RINT1: variants seen among roughly 807,000 people sequenced by gnomAD.
RINT1 encodes the protein RAD50 interactor 1.
A neutral mutation model predicts 97.7 loss-of-function variants in RINT1; 75 were observed. The ratio of observed to expected loss-of-function variants is 0.77; its 90% confidence interval spans 0.64 to 0.93. RINT1 has a LOEUF of 0.93. Ranked by LOEUF, RINT1 falls within the 40% of genes least tolerant of loss-of-function variation. RINT1 has a pLI of 0.00. For missense variants in RINT1, 892 were observed against 925.2 expected (o/e 0.96, Z 0.47); for synonymous variants, 303 against 326.3 (o/e 0.93, Z 0.77).
intron 4 of RINT1, among the ~76,000 whole-genome samples, chr7:105,544,488 G>A (rs1253328559): frequency 6.6e-6 from 1 of 151,324 alleles, no homozygotes; most frequent in Non-Finnish European, 1.5e-5. Context: ...AGGCTGGAGT[G>A]CAGTGGCACA....
Position 105,532,280 on chromosome 7 carries a change from G to A in RINT1, c.-36G>A, listed in dbSNP as rs754180010. On this transcript the variant is annotated 5_prime_UTR_variant, in exon 1 of 15. Transcript: ENST00000257700. Reference sequence around the variant, plus strand: ...TAGCCAGACTCCACAGGCCACGCTGGCTGCGAATGGAGCCGAGGACTCGCG... The same window carrying A: ...TAGCCAGACTCCACAGGCCACGCTGACTGCGAATGGAGCCGAGGACTCGCG... The A allele has an allele frequency of 3.2e-6, 5 of 1,558,388 alleles. No homozygotes were observed. The highest frequency in any genetic ancestry group is 4.3e-6 in the Non-Finnish European group (5 of 1,155,920).
intron 11 of RINT1, among the ~76,000 whole-genome samples, chr7:105,559,295 C>A (rs904908876): frequency 2.0e-5 from 3 of 151,942 alleles, no homozygotes; most frequent in Admixed American, 1.3e-4. Flanking sequence ...AATCCCAGCA[C>A]TTTTGGAGGC....
chr7:105,538,762 A>G (rs899695566), intron 3 of RINT1, among the ~76,000 whole-genome samples: 1 of 152,232 alleles, frequency 6.6e-6, no homozygotes, highest in African/African-American at 2.4e-5. Flanking sequence ...TGAATAGTCT[A>G]TCCCACAATC....
At chr7:105,540,079 CTTT>C (rs769840794) in intron 3 of RINT1, among the ~76,000 whole-genome samples, 3 of 135,926 alleles carry the variant, frequency 2.2e-5, no homozygotes, top group Non-Finnish European at 3.2e-5. Flanking sequence ...ATGCCATTTT[CTTT>C]TTTTTTTTTT....
Position 105,555,184 on chromosome 7 carries a change from T to C in RINT1, c.1628T>C (p.Val543Ala). 1 of 1,614,098 alleles carries C rather than the reference T, an allele frequency of 6.2e-7. No homozygotes were observed. Among genetic ancestry groups the C allele is most frequent in the Non-Finnish European group, 8.5e-7 (1 of 1,180,008 alleles). The change falls in exon 11 of 15, where the codon GTG becomes GCG. Residue 543 changes from valine (V) to alanine (A), a missense_variant. By Grantham distance (64) the Val-to-Ala change is moderately conservative. Transcript: ENST00000257700. Reference protein sequence around the residue: ...GFRYCAILNAVNYISTVLADW... With the variant: ...GFRYCAILNAANYISTVLADW... ...CGATACTGTGCAATTCTTAATGCTG[T>C]GAACTACATCTCAACAGTACTAGCA...
chr7:105,554,294 A>G (rs556824238), intron 10 of RINT1, among the ~76,000 whole-genome samples: 3 of 151,918 alleles, frequency 2.0e-5, no homozygotes, highest in Admixed American at 6.6e-5. Context: ...CGGCCTCCCA[A>G]AGTGCTGAGA....
intron 11 of RINT1, among the ~76,000 whole-genome samples, chr7:105,558,551 C>T (rs1339536746): frequency 6.6e-6 from 1 of 152,072 alleles, no homozygotes; most frequent in Non-Finnish European, 1.5e-5. Flanking sequence ...GATGGCTGGG[C>T]ACGATGTCTC....
In RINT1 at chr7:105,567,546, A is replaced by G; in HGVS notation, c.*235A>G. On this transcript the variant is annotated 3_prime_UTR_variant, in exon 15 of 15. Transcript: ENST00000257700. ...TGAAAACTCAATTCTATTTACAAGT[A>G]TAAATGCTGAGTATGTCTGTTGAAG... 1.5e-6 allele frequency: 1 copy of G among 673,604 alleles called. No homozygotes were observed. The highest frequency in any genetic ancestry group is 2.6e-6 in the Non-Finnish European group (1 of 377,430). 41.7% of individuals were successfully genotyped at this position (673,604 alleles called of 1,614,324 possible).
chr7:105,545,153 C>T (rs988090293), intron 4 of RINT1, among the ~76,000 whole-genome samples: 2 of 151,954 alleles, frequency 1.3e-5, no homozygotes, highest in Admixed American at 6.6e-5. Flanking sequence ...TCATTCCTTC[C>T]TTAAAAGCAG....
chr7:105,547,740 A>T (rs1188575646), intron 6 of RINT1, among the ~76,000 whole-genome samples: 10 of 118,152 alleles, frequency 8.5e-5, no homozygotes, highest in African/African-American at 3.1e-4. Flanking sequence ...TTTTTTTGAG[A>T]TGGAGTTTCG....
chr7:105,560,813 C>T (rs1356139810), intron 11 of RINT1, among the ~76,000 whole-genome samples: 1 of 151,984 alleles, frequency 6.6e-6, no homozygotes, highest in Non-Finnish European at 1.5e-5. Flanking sequence ...TTCTGCCTCC[C>T]AGGTTCAAGT....
At chr7:105,564,222 G>C (rs1300232883) in intron 12 of RINT1, among the ~76,000 whole-genome samples, 1 of 152,062 alleles carries the variant, frequency 6.6e-6, no homozygotes, top group Non-Finnish European at 1.5e-5. Flanking sequence ...CAAGTAGCCA[G>C]GACTACAGGC....
Position 105,551,706 on chromosome 7 carries a change from T to C in RINT1, c.1470T>C (p.Thr490=), listed in dbSNP as rs1790935672. 3 of 1,588,524 alleles carry C rather than the reference T, an allele frequency of 1.9e-6. No homozygotes were observed. Among genetic ancestry groups the C allele is most frequent in the South Asian group, 2.3e-5 (2 of 86,228 alleles). ...ETFMTLLLVI[T]DRYKNLPTAS... is the part of the protein sequence containing the mutation. Reference sequence around the variant, plus strand: ...TTATGACTCTACTCTTGGTTATAACTGGTAAGTATGTCTTTTAAGATATGA... The same window carrying C: ...TTATGACTCTACTCTTGGTTATAACCGGTAAGTATGTCTTTTAAGATATGA... Residue 490 remains threonine, a splice_region_variant and synonymous_variant, in exon 10 of 15, where the codon ACT becomes ACC. Coordinates refer to ENST00000257700, the MANE Select transcript of RINT1 (RefSeq NM_021930.6).
intron 3 of RINT1, among the ~76,000 whole-genome samples, chr7:105,539,477 C>T (rs891310842): frequency 6.6e-6 from 1 of 151,800 alleles, no homozygotes; most frequent in Admixed American, 6.6e-5. Context: ...TCTCCCGCCT[C>T]AGGCTCCCAA....
chr7:105,533,089 CCTAGTACAGGGA>C (rs1301150202), intron 2 of RINT1, among the ~76,000 whole-genome samples: 3 of 152,148 alleles, frequency 2.0e-5, no homozygotes, highest in Non-Finnish European at 1.5e-5. Context: ...CCGATCCATA[CCTAGTACAGGGA>C]CTAGAGTGTT....
chr7:105,533,786 TC>T (rs1203201995), intron 2 of RINT1, among the ~76,000 whole-genome samples: 1 of 152,206 alleles, frequency 6.6e-6, no homozygotes, highest in Non-Finnish European at 1.5e-5. Context: ...GTTAAACCCT[TC>T]CCTTTCCATT....
chr7:105,556,065 A>C (rs1791166631), intron 11 of RINT1, among the ~76,000 whole-genome samples: 1 of 151,520 alleles, frequency 6.6e-6, no homozygotes, highest in South Asian at 2.1e-4. Context: ...CTATCACTCA[A>C]CTTCTTTTTT....
chr7:105,561,681 C>A (rs1012603078), intron 11 of RINT1, among the ~76,000 whole-genome samples: 2 of 152,036 alleles, frequency 1.3e-5, no homozygotes, highest in African/African-American at 2.4e-5. Context: ...TCTGCCTCAG[C>A]CTCCCGAGTA....
At chr7:105,560,550 A>C (rs1791393909) in intron 11 of RINT1, among the ~76,000 whole-genome samples, 1 of 152,146 alleles carries the variant, frequency 6.6e-6, no homozygotes, top group Non-Finnish European at 1.5e-5. Context: ...TAAATGTATA[A>C]AAAAATTAAC....
Sources: allele counts gnomAD v4.1 joint callset (sites outside exome capture counted in the v4.1 genomes callset), GRCh38; gene constraint gnomAD v4.1.1; transcripts MANE v1.5; gene names NCBI Gene and HGNC (gene_info 2026-07-23, HGNC 2026-07-21).